CLPTM1L: variants seen among roughly 807,000 people sequenced by gnomAD.
CLPTM1L encodes CLPTM1 like, also known as lipid scramblase CLPTM1L.
A neutral mutation model predicts 70.9 loss-of-function variants in CLPTM1L; 38 were observed. That is an observed-to-expected ratio of 0.54 (90% CI 0.41 to 0.70). The LOEUF is 0.70. CLPTM1L is among the 30% of genes least tolerant of loss of function. The pLI is 0.00. For synonymous variants in CLPTM1L, 339 were observed against 299.9 expected (o/e 1.13, Z -1.35); for missense variants, 652 against 705.9 (o/e 0.92, Z 0.87).
rs895455718 is a variant in CLPTM1L at position 1,342,138 on chromosome 5, C to G, written c.264-278G>C. On this transcript the variant is annotated intron_variant, in intron 2 of 16. Coordinates refer to ENST00000320895, the MANE Select transcript of CLPTM1L (RefSeq NM_030782.5). The surrounding 1 kb of genome is among the most constrained non-coding windows in gnomAD (Gnocchi z 4.3). ...CACTTCCTGCCTCCATCTCAGGAGGCTGAGAGGTCAATAACCCACCTGAGG... is the reference window on the plus strand; with the variant it reads ...CACTTCCTGCCTCCATCTCAGGAGGGTGAGAGGTCAATAACCCACCTGAGG... 7.9e-5 allele frequency among the ~76,000 whole-genome samples: 12 copies of G among 152,022 alleles called. No individual in the cohort carries two copies. The highest frequency in any genetic ancestry group is 2.4e-4 in the African/African-American group (10 of 41,368).
rs745719401 is a variant in CLPTM1L at position 1,325,827 on chromosome 5, A to G, written c.1081-11T>C. On this transcript the variant is annotated splice_polypyrimidine_tract_variant and intron_variant, in intron 9 of 16. Coordinates refer to ENST00000320895, the MANE Select transcript of CLPTM1L (RefSeq NM_030782.5). ...CTTCACTTTCCACAGCTGAGGGGAG[A>G]AATCAGGAAATAGTTCCTTTAATAT... The G allele has an allele frequency of 1.2e-6, 2 of 1,612,526 alleles. No homozygotes were observed. The highest frequency in any genetic ancestry group is 1.7e-6 in the Non-Finnish European group (2 of 1,178,876).
At chr5:1,327,282 G>C (rs1410047606) in intron 9 of CLPTM1L, among the ~76,000 whole-genome samples, 106 of 86,046 alleles carry the variant, frequency 1.2e-3, no homozygotes, top group Admixed American at 3.4e-3. Context: ...CCTCTACAGG[G>C]ACATTTCATC....
At chr5:1,332,820 C>A (rs906961450) in intron 7 of CLPTM1L, among the ~76,000 whole-genome samples, 1 of 152,224 alleles carries the variant, frequency 6.6e-6, no homozygotes, top group Non-Finnish European at 1.5e-5. Context: ...TTACATAATA[C>A]ATATATTCAT....
At chr5:1,337,159 C>T (rs997478833) in intron 5 of CLPTM1L, among the ~76,000 whole-genome samples, 6 of 152,200 alleles carry the variant, frequency 3.9e-5, no homozygotes, top group Non-Finnish European at 8.8e-5. Context: ...ACCTCTGAAC[C>T]CCAAATAACC....
At position 1,345,099 on chromosome 5, in the gene CLPTM1L, T is replaced by C. The variant is rs1754194973; in HGVS notation, c.-258A>G. Reference sequence around the variant, plus strand: ...TCCGGGCCCCGCCGCCTGCCGGAAGTGGACGCGCCGCGCGGCTCCCTGGGA... The same window carrying C: ...TCCGGGCCCCGCCGCCTGCCGGAAGCGGACGCGCCGCGCGGCTCCCTGGGA... On this transcript the variant is annotated 5_prime_UTR_variant, in exon 1 of 17. Coordinates refer to ENST00000320895, the MANE Select transcript of CLPTM1L (RefSeq NM_030782.5). 1.3e-5 allele frequency: 2 copies of C among 151,660 alleles called. No homozygotes were observed. The highest frequency in any genetic ancestry group is 2.9e-5 in the Non-Finnish European group (2 of 68,154). 9.4% of individuals were successfully genotyped at this position (151,660 alleles called of 1,614,324 possible). A position where few individuals can be genotyped will look rare whatever the true frequency, so the allele number is the denominator to read the frequency against.
rs750262013 is a variant in CLPTM1L at position 1,344,414 on chromosome 5, G to T, written c.200C>A (p.Ala67Asp). The part of the protein sequence containing the change: ...VYTTTRSHLG[A>D]ENNIDLVLNV... ...CAAGACCAGGTCGATGTTGTTCTCA[G>T]CACCCAGGTGGGACCTCGTCGTGGT... Residue 67 changes from alanine to aspartate, a missense_variant, in exon 2 of 17, where the codon GCT becomes GAT. Coordinates refer to ENST00000320895, the MANE Select transcript of CLPTM1L (RefSeq NM_030782.5). 6.8e-6 allele frequency: 11 copies of T among 1,613,640 alleles called. No homozygotes were observed. In the Admixed American group the frequency reaches 1.8e-4, roughly 27 times the overall value.
At chr5:1,332,947 T>C (rs111943140) in intron 7 of CLPTM1L, among the ~76,000 whole-genome samples, 1 of 150,030 alleles carries the variant, frequency 6.7e-6, no homozygotes, top group Admixed American at 6.7e-5. Flanking sequence ...GACTACTGTA[T>C]ATACACTGGA....
chr5:1,341,697 G>C lies in CLPTM1L; in HGVS notation c.427C>G (p.Leu143Val). The C allele has an allele frequency of 6.2e-7, 1 of 1,611,364 alleles. No individual in the cohort carries two copies. The highest frequency in any genetic ancestry group is 8.5e-7 in the Non-Finnish European group (1 of 1,177,836). Reference sequence around the variant, plus strand: ...TGTGTATCAGACTCCCCGGTGAGCAGGTTGATTTCTTCTGGCTTGGGGACC... The same window carrying C: ...TGTGTATCAGACTCCCCGGTGAGCACGTTGATTTCTTCTGGCTTGGGGACC... ...YMVPKPEEIN[L>V]LTGESDTQQI... Residue 143 changes from leucine (L) to valine (V), a missense_variant, in exon 3 of 17, where the codon CTG becomes GTG. By Grantham distance (32) the Leu-to-Val change is conservative (BLOSUM62 1). This residue lies in a region of CLPTM1L where 402 missense variants were observed against 388.2 expected (regional missense o/e 1.04). Transcript: ENST00000320895.
intron 11 of CLPTM1L, among the ~76,000 whole-genome samples, chr5:1,324,350 A>G (rs979334144): frequency 2.6e-5 from 4 of 152,252 alleles, no homozygotes; most frequent in African/African-American, 9.6e-5. Context: ...CTCCCCCAAC[A>G]GCAATGGGGA....
intron 5 of CLPTM1L, among the ~76,000 whole-genome samples, chr5:1,337,507 G>A (rs1038331990): frequency 6.6e-6 from 1 of 152,240 alleles, no homozygotes; most frequent in African/African-American, 2.4e-5. Flanking sequence ...GACCAGCCCT[G>A]GTGGGGAAAG....
At chr5:1,322,428 C>T (rs941062290) in intron 13 of CLPTM1L, among the ~76,000 whole-genome samples, 2 of 152,212 alleles carry the variant, frequency 1.3e-5, no homozygotes, top group Non-Finnish European at 2.9e-5. Context: ...GGGGGCGCGC[C>T]GTGCACCAGA....
At position 1,335,151 on chromosome 5, in the gene CLPTM1L, C is replaced by T. The variant is rs1280614741; in HGVS notation, c.702G>A (p.Glu234=). 1.2e-6 allele frequency: 2 copies of T among 1,613,594 alleles called. No individual in the cohort carries two copies. Among genetic ancestry groups the T allele is most frequent in the Non-Finnish European group, 1.7e-6 (2 of 1,180,028 alleles). ...TGTCGTAGGACACGGTGAGGGGCAG[C>T]TCGGTGGTGGAGCGGTTTATGACCT... is the stretch of plus-strand genomic sequence containing the variant. ...DLMVINRSTT[E]LPLTVSYDKV... The change falls in exon 6 of 17, where the codon GAG becomes GAA. Residue 234 remains glutamate (E), a synonymous_variant. Coordinates refer to ENST00000320895, the MANE Select transcript of CLPTM1L (RefSeq NM_030782.5).
intron 1 of CLPTM1L, 110 bp downstream of exon 1, chr5:1,344,570 C>G: frequency 6.8e-7 from 1 of 1,461,824 alleles, no homozygotes; most frequent in Non-Finnish European, 9.4e-7. Flanking sequence ...AAGGTTCCAT[C>G]TCGACTCGCG....
chr5:1,344,562 G>C lies in CLPTM1L; in HGVS notation c.163-111C>G. ...ACCTGGCCGCTGGGGAACCAGGAAAGGTTCCATCTCGACTCGCGCGGCCAC... is the reference window on the plus strand; with the variant it reads ...ACCTGGCCGCTGGGGAACCAGGAAACGTTCCATCTCGACTCGCGCGGCCAC... On this transcript the variant is annotated intron_variant, in intron 1 of 16. Coordinates refer to ENST00000320895, the MANE Select transcript of CLPTM1L (RefSeq NM_030782.5). The C allele has an allele frequency of 4.1e-6, 6 of 1,452,872 alleles. No individual in the cohort carries two copies. In the South Asian group the frequency reaches 7.2e-5, roughly 18 times the overall value. 90.0% of individuals were successfully genotyped at this position (1,452,872 alleles called of 1,614,324 possible). A position where few individuals can be genotyped will look rare whatever the true frequency, so the allele number is the denominator to read the frequency against.
intron 3 of CLPTM1L, among the ~76,000 whole-genome samples, chr5:1,340,360 G>A (rs1462983394): frequency 3.3e-5 from 5 of 152,224 alleles, no homozygotes; most frequent in Non-Finnish European, 7.3e-5. Context: ...CTTACATGAA[G>A]TTAAACAGGA....
At position 1,324,776 on chromosome 5, in the gene CLPTM1L, T is replaced by G. The variant is rs2126725621; in HGVS notation, c.1184A>C (p.Glu395Ala). 6.2e-7 allele frequency: 1 copy of G among 1,614,196 alleles called. No individual in the cohort carries two copies. The highest frequency in any genetic ancestry group is 2.2e-5 in the East Asian group (1 of 44,888). ...CAAGTGACTTACCTGAGTATCGTACTCCTCGGTTTTCCTCTCAGATTCGCT... is the reference window on the plus strand; with the variant it reads ...CAAGTGACTTACCTGAGTATCGTACGCCTCGGTTTTCCTCTCAGATTCGCT... ...TYSESERKTE[E>A]YDTQAMKYLS... The change falls in exon 11 of 17, where the codon GAG (glutamate) becomes GCG (alanine). Residue 395 changes from glutamate (E) to alanine (A), a missense_variant. This residue lies in a region of CLPTM1L where 240 missense variants were observed against 295.0 expected (regional missense o/e 0.81). Transcript: ENST00000320895.
At chr5:1,322,816 A>G in intron 13 of CLPTM1L, 61 bp downstream of exon 13, 1 of 1,554,828 alleles carries the variant, frequency 6.4e-7, no homozygotes, top group Non-Finnish European at 8.9e-7. Context: ...CAATGCAAGA[A>G]CAATTAAATC....
chr5:1,337,574 C>T (rs541002772), intron 5 of CLPTM1L, among the ~76,000 whole-genome samples: 218 of 152,358 alleles, frequency 1.4e-3, no homozygotes, highest in Middle Eastern at 6.8e-3. Flanking sequence ...GGAGCTCACA[C>T]GCAGACGCTG....
At chr5:1,337,666 A>G (rs571329751) in intron 5 of CLPTM1L, among the ~76,000 whole-genome samples, 1 of 152,348 alleles carries the variant, frequency 6.6e-6, no homozygotes, top group East Asian at 1.9e-4. Context: ...GCCTTTCACC[A>G]GTGACAGTCC....
Sources: gnomAD v4.1 joint callset for allele counts (sites outside exome capture counted in the v4.1 genomes callset) on GRCh38, gnomAD v4.1.1 for gene constraint, gnomAD v4.1.1 regional missense constraint, Gnocchi (gnomAD v3.1) non-coding constraint, MANE v1.5 for transcripts, NCBI Gene and HGNC (gene_info 2026-07-23, HGNC 2026-07-21) for gene names.